Variants in NSMCE1 observed in about 807,000 individuals in gnomAD.
The protein encoded by NSMCE1 is non-structural maintenance of chromosomes element 1 homolog.
In NSMCE1, 18 loss-of-function variants were observed where a neutral mutation model predicts 29.6. That is an observed-to-expected ratio of 0.61 (90% CI 0.42 to 0.90). NSMCE1 has a LOEUF of 0.90. Among genes scored for constraint, NSMCE1 ranks in the 40% least tolerant of loss-of-function variants. The probability of loss-of-function intolerance (pLI) is 0.00; values close to 1 mark genes in which losing one functional copy is unlikely to be tolerated. For missense variants in NSMCE1, 314 were observed against 343.6 expected, an observed-to-expected ratio of 0.91 and a Z score of 0.68; for synonymous variants, 124 against 133.4, an observed-to-expected ratio of 0.93 and a Z score of 0.49.
chr16:27,252,762 C>T (rs901925576), intron 2 of NSMCE1, among the ~76,000 whole-genome samples: 7 of 151,852 alleles, frequency 4.6e-5, no homozygotes, highest in Non-Finnish European at 2.9e-5. Context: ...CTACTAAAAC[C>T]ACAAAAATTA....
At chr16:27,267,105 A>G (rs1012041939) in intron 1 of NSMCE1, among the ~76,000 whole-genome samples, 7 of 152,146 alleles carry the variant, frequency 4.6e-5, no homozygotes, top group African/African-American at 1.4e-4. Flanking sequence ...CAGATAAACC[A>G]ATTAAAAAAA....
rs147097857 is a variant in NSMCE1 at position 27,230,224 on chromosome 16, G to A, written c.483+2777C>T. Among the ~76,000 whole-genome samples, 1,190 of 152,308 alleles carry A rather than the reference G, an allele frequency of 7.8e-3. 11 individuals carry two copies. Among genetic ancestry groups the A allele is most frequent in the African/African-American group, 0.027 (1,117 of 41,570 alleles). ...ACAGCTGCCTCAGCACCTCCATGCCGGGCCAGTCTCACACAGGACTGGCTG... is the reference window on the plus strand; with the variant it reads ...ACAGCTGCCTCAGCACCTCCATGCCAGGCCAGTCTCACACAGGACTGGCTG... On this transcript the variant is annotated intron_variant, in intron 5 of 7. Transcript: ENST00000361439.
chr16:27,236,289 AAACT>A (rs1230893221), intron 2 of NSMCE1, among the ~76,000 whole-genome samples: 1 of 140,816 alleles, frequency 7.1e-6, no homozygotes, highest in Non-Finnish European at 1.5e-5. Flanking sequence ...TTATGCTGTG[AAACT>A]TTTTTTTTTT....
chr16:27,238,532 C>T lies in NSMCE1; in HGVS notation c.137-3233G>A, dbSNP rs563686945. Among the ~76,000 whole-genome samples the T allele has an allele frequency of 2.5e-4, 28 of 114,270 alleles. 1 individual carries two copies. The East Asian group carries it at 9.7e-3, about 40-fold the overall frequency. The allele number at this position is 114,270 out of a possible 152,430, so 75.0% of individuals were successfully genotyped here. On this transcript the variant is annotated intron_variant, in intron 2 of 7. Coordinates refer to ENST00000361439, the MANE Select transcript of NSMCE1 (RefSeq NM_145080.4). ...CCATGTCCCTCCCTAACGAGACCTT[C>T]GCCTTTTTTCTTTTTTTTTTTTTAC...
intron 2 of NSMCE1, among the ~76,000 whole-genome samples, chr16:27,249,557 T>G (rs892710599): frequency 8.5e-5 from 13 of 152,234 alleles, no homozygotes; most frequent in African/African-American, 2.9e-4. Flanking sequence ...CCTTTGCACT[T>G]CTGTCAAAAA....
intron 2 of NSMCE1, among the ~76,000 whole-genome samples, chr16:27,247,292 G>A (rs772745683): frequency 2.0e-5 from 3 of 152,044 alleles, no homozygotes; most frequent in Non-Finnish European, 4.4e-5. Flanking sequence ...GTTTTATAAG[G>A]GTCTTTTCCC....
At chr16:27,226,677 C>T (rs757433832) in intron 6 of NSMCE1, 43 bp downstream of exon 6, 22 of 1,308,656 alleles carry the variant, frequency 1.7e-5, no homozygotes, top group African/African-American at 7.2e-5. Flanking sequence ...CCCCGGGAGC[C>T]GAGGGCCCAG....
chr16:27,256,782 A>C (rs752874764), intron 2 of NSMCE1, among the ~76,000 whole-genome samples: 2 of 152,224 alleles, frequency 1.3e-5, no homozygotes, highest in African/African-American at 2.4e-5. Context: ...TTCAGCTGAC[A>C]CAGGGCAGGG....
chr16:27,256,167 T>G (rs913386323), intron 2 of NSMCE1, among the ~76,000 whole-genome samples: 2 of 152,156 alleles, frequency 1.3e-5, no homozygotes, highest in Admixed American at 1.3e-4. Flanking sequence ...TCTATGTCAT[T>G]TTTTATCTTT....
intron 1 of NSMCE1, among the ~76,000 whole-genome samples, chr16:27,267,979 G>A (rs1376330173): frequency 2.0e-5 from 3 of 152,076 alleles, no homozygotes; most frequent in Non-Finnish European, 4.4e-5. Context: ...CGAACCTCAG[G>A]TGATCCGCCC....
At position 27,225,686 on chromosome 16, in the gene NSMCE1, T is replaced by C. The variant is rs201449764; in HGVS notation, c.721+40A>G. On this transcript the variant is annotated intron_variant, in intron 7 of 7. Coordinates refer to ENST00000361439, the MANE Select transcript of NSMCE1 (RefSeq NM_145080.4). ...CCTGGCACCAGGCCCCACGTCCTGCTGGCCCAGCCCCTCCCATGAGCTCCT... is the reference window on the plus strand; with the variant it reads ...CCTGGCACCAGGCCCCACGTCCTGCCGGCCCAGCCCCTCCCATGAGCTCCT... The C allele has an allele frequency of 1.4e-3, 2,329 of 1,611,768 alleles. 3 individuals carry two copies. The highest frequency in any genetic ancestry group is 1.8e-3 in the Non-Finnish European group (2,152 of 1,179,058).
chr16:27,257,787 G>A lies in NSMCE1; in HGVS notation c.-11-206C>T, dbSNP rs149417427. ...GTAAGAGGTGTGGATTCTGGAGCTAGAATGCCGGGATTCAGGGCCTGGCTC... is the reference window on the plus strand; with the variant it reads ...GTAAGAGGTGTGGATTCTGGAGCTAAAATGCCGGGATTCAGGGCCTGGCTC... On this transcript the variant is annotated intron_variant, in intron 1 of 7. Transcript: ENST00000361439. Among the ~76,000 whole-genome samples, 610 of 152,290 alleles carry A rather than the reference G, an allele frequency of 4.0e-3. 5 individuals are homozygous for A. Among genetic ancestry groups the A allele is most frequent in the Middle Eastern group, 0.017 (5 of 294 alleles).
intron 2 of NSMCE1, among the ~76,000 whole-genome samples, chr16:27,250,737 G>A (rs1362808303): frequency 6.6e-6 from 1 of 151,468 alleles, no homozygotes; most frequent in Non-Finnish European, 1.5e-5. Flanking sequence ...AGGTTGTAGC[G>A]AGCTGAGATG....
At chr16:27,230,038 G>C (rs192312907) in intron 5 of NSMCE1, among the ~76,000 whole-genome samples, 1 of 152,196 alleles carries the variant, frequency 6.6e-6, no homozygotes, top group East Asian at 1.9e-4. Flanking sequence ...CAGGCGCCTC[G>C]CCACAACACT....
At chr16:27,235,353 A>T in intron 2 of NSMCE1, 54 bp from the exon 3 acceptor site, 1 of 1,596,592 alleles carries the variant, frequency 6.3e-7, no homozygotes, top group East Asian at 2.2e-5. Flanking sequence ...TCATCAAAAA[A>T]ATGTAGCTTG....
chr16:27,257,572 T>C lies in NSMCE1; in HGVS notation c.-2A>G. On this transcript the variant is annotated 5_prime_UTR_variant, in exon 2 of 8. Transcript: ENST00000361439. Reference sequence around the variant, plus strand: ...CATTCTCCTTGTGCTGCCCTGCATGTGGGAACGAACTGAAAAGGAAGTAAA... The same window carrying C: ...CATTCTCCTTGTGCTGCCCTGCATGCGGGAACGAACTGAAAAGGAAGTAAA... The C allele has an allele frequency of 6.2e-7, 1 of 1,609,988 alleles. No homozygotes were observed. The highest frequency in any genetic ancestry group is 8.5e-7 in the Non-Finnish European group (1 of 1,178,162).
chr16:27,253,481 G>A (rs997463229), intron 2 of NSMCE1, among the ~76,000 whole-genome samples: 1 of 152,310 alleles, frequency 6.6e-6, no homozygotes, highest in South Asian at 2.1e-4. Context: ...CTTGACTGAC[G>A]AATGTCCAGT....
chr16:27,268,287 G>A (rs987575404), intron 1 of NSMCE1: 1 of 152,168 alleles, frequency 6.6e-6, no homozygotes, highest in Admixed American at 6.5e-5. Context: ...CACGGAGGGC[G>A]GCGGGACAAA....
intron 3 of NSMCE1, 142 bp from the exon 4 acceptor site, chr16:27,234,407 A>T: frequency 1.5e-6 from 1 of 675,754 alleles, no homozygotes; most frequent in South Asian, 1.7e-5. Flanking sequence ...GCAGGGATGG[A>T]TCTGTAACCA....
Sources: allele counts gnomAD v4.1 joint callset (sites outside exome capture counted in the v4.1 genomes callset), GRCh38; gene constraint gnomAD v4.1.1; transcripts MANE v1.5; gene names NCBI Gene and HGNC (gene_info 2026-07-23, HGNC 2026-07-21).